Variants in ZSCAN21 observed in about 807,000 individuals in gnomAD.
ZSCAN21 encodes zinc finger and SCAN domain containing 21, also known as zinc finger and SCAN domain-containing protein 21.
Under a neutral mutation model 35.6 loss-of-function variants are expected in ZSCAN21, and 26 were observed. The observed-to-expected ratio is 0.73, with a 90% CI of 0.54 to 1.01. The LOEUF (loss-of-function observed/expected upper bound fraction) is 1.01, where lower values mean the gene tolerates loss of function less well. Among genes scored for constraint, ZSCAN21 ranks in the 50% least tolerant of loss-of-function variants. ZSCAN21 has a pLI of 0.00. For missense variants in ZSCAN21, 593 were observed against 587.1 expected (o/e 1.01, Z -0.10); for synonymous variants, 219 against 219.3 (o/e 1.00, Z 0.01).
intron 2 of ZSCAN21, 131 bp from the exon 3 acceptor site, chr7:100,057,567 C>T: frequency 1.5e-6 from 2 of 1,350,836 alleles, no homozygotes; most frequent in Non-Finnish European, 2.0e-6. Flanking sequence ...TAACTTTTAG[C>T]CTTGGGAATG....
chr7:100,062,400 A>G (rs1174007963), intron 3 of ZSCAN21, among the ~76,000 whole-genome samples: 1 of 147,600 alleles, frequency 6.8e-6, no homozygotes, highest in African/African-American at 2.5e-5. Flanking sequence ...AGACCAGCCT[A>G]TGGTCTAGAA....
Position 100,057,180 on chromosome 7 carries a change from A to C in ZSCAN21, c.174A>C (p.Gly58=). The C allele has an allele frequency of 6.2e-7, 1 of 1,613,564 alleles. No individual in the cohort carries two copies. The highest frequency in any genetic ancestry group is 8.5e-7 in the Non-Finnish European group (1 of 1,179,948). The change falls in exon 2 of 4, where the codon GGA becomes GGC. Residue 58 remains glycine (G), a synonymous_variant. Coordinates refer to ENST00000292450, the MANE Select transcript of ZSCAN21 (RefSeq NM_145914.3). ...AGTTTGGGTACCATGATACCCCTGG[A>C]CCCCGAGAGGCCCTGAGCCAACTCC... ...FRQFGYHDTP[G]PREALSQLRV...
At chr7:100,054,957 CT>C (rs10596959) in intron 1 of ZSCAN21, among the ~76,000 whole-genome samples, 43,292 of 131,958 alleles carry the variant, frequency 0.33, 5,548 homozygotes, top group African/African-American at 0.41. Flanking sequence ...TATGATCTCT[CT>C]TTTTTTTTTT....
Position 100,056,933 on chromosome 7 carries a change from A to C in ZSCAN21, c.-74A>C. On this transcript the variant is annotated 5_prime_UTR_variant, in exon 2 of 4. Transcript: ENST00000292450. The stretch of plus-strand genomic sequence containing the variant: ...TAGGTTTAACTTGTGGCCCTAAAGA[A>C]CTGGAAACCCAAAGGAACGAATATT... 1 of 1,445,388 alleles carries C rather than the reference A, an allele frequency of 6.9e-7. No individual in the cohort carries two copies. The highest frequency in any genetic ancestry group is 9.2e-7 in the Non-Finnish European group (1 of 1,082,212). 89.5% of individuals were successfully genotyped at this position (1,445,388 alleles called of 1,614,324 possible).
rs1287529179 is a variant in ZSCAN21 at position 100,064,934 on chromosome 7, A to C, written c.*317A>C. ...CAGTCTAGTTAAGGAAGAAACATTA[A>C]GATTGTTTAATTTTTAACATATATT... On this transcript the variant is annotated 3_prime_UTR_variant, in exon 4 of 4. Coordinates refer to ENST00000292450, the MANE Select transcript of ZSCAN21 (RefSeq NM_145914.3). 2 of 1,610,804 alleles carry C rather than the reference A, an allele frequency of 1.2e-6. No individual in the cohort carries two copies. The highest frequency in any genetic ancestry group is 4.5e-5 in the East Asian group (2 of 44,870).
intron 3 of ZSCAN21, among the ~76,000 whole-genome samples, chr7:100,060,858 CAAA>C (rs372983638): frequency 1.7e-4 from 13 of 74,434 alleles, no homozygotes; most frequent in Admixed American, 2.8e-4. Flanking sequence ...AGGACTCCGT[CAAA>C]AAAAAAAAAA....
intron 1 of ZSCAN21, among the ~76,000 whole-genome samples, chr7:100,056,042 A>G (rs1358163436): frequency 2.7e-5 from 4 of 149,938 alleles, no homozygotes; most frequent in Admixed American, 1.3e-4. Flanking sequence ...CCGGGTTCAC[A>G]CCATTCTCCT....
rs190422699 is a variant in ZSCAN21, at chr7:100,063,974, A to T, written c.779A>T (p.Lys260Met). 278 of 1,614,196 alleles carry T rather than the reference A, an allele frequency of 1.7e-4. 2 individuals are homozygous for T. In the Admixed American group the frequency reaches 4.5e-3, roughly 26 times the overall value. ...CCCCCTCTTCAAGAGGCAGGCTCCA[A>T]GAAAGGTAGAGAATCAGTTCCTACT... ...TKPPLQEAGS[K>M]KGRESVPTKP... Residue 260 changes from lysine (K) to methionine (M), a missense_variant, in exon 4 of 4, where the codon AAG (lysine) becomes ATG (methionine). Transcript: ENST00000292450.
At chr7:100,050,505 G>A (rs1395330899) in intron 1 of ZSCAN21, among the ~76,000 whole-genome samples, 2 of 152,086 alleles carry the variant, frequency 1.3e-5, no homozygotes, top group Non-Finnish European at 2.9e-5. Context: ...TCAGGAGTTC[G>A]AGACCAGCCT....
chr7:100,059,962 C>G (rs775199010), intron 3 of ZSCAN21, among the ~76,000 whole-genome samples: 2 of 152,142 alleles, frequency 1.3e-5, no homozygotes, highest in Non-Finnish European at 1.5e-5. Context: ...CCCTCCTCGG[C>G]CTCCCAAAGT....
Position 100,063,816 on chromosome 7 carries a change from A to G in ZSCAN21, c.621A>G (p.Glu207=). Residue 207 remains glutamate (E), a synonymous_variant, in exon 4 of 4, where the codon GAA becomes GAG. Transcript: ENST00000292450. ...GCAGATTGAGTACCCAGCACGAGGA[A>G]TCAGCAGATGAGCAGAAAGGTTCTG... ...RDCRLSTQHE[E]SADEQKGSEA... 6.2e-7 allele frequency: 1 copy of G among 1,611,882 alleles called. No homozygotes were observed. Among genetic ancestry groups the G allele is most frequent in the Non-Finnish European group, 8.5e-7 (1 of 1,179,294 alleles).
rs1157425786 is a variant in ZSCAN21 at position 100,063,812 on chromosome 7, A to T, written c.617A>T (p.Glu206Val). 6.2e-7 allele frequency: 1 copy of T among 1,611,070 alleles called. No individual in the cohort carries two copies. Among genetic ancestry groups the T allele is most frequent in the African/African-American group, 1.3e-5 (1 of 74,696 alleles). The change falls in exon 4 of 4, where the codon GAG becomes GTG. Residue 206 changes from glutamate to valine, a missense_variant. Physicochemically the swap from Glu to Val is moderately radical, Grantham distance 121. Transcript: ENST00000292450. ...VRDCRLSTQH[E>V]ESADEQKGSE... is the part of the protein sequence containing the mutation. The stretch of plus-strand genomic sequence containing the variant: ...GATTGCAGATTGAGTACCCAGCACG[A>T]GGAATCAGCAGATGAGCAGAAAGGT...
chr7:100,052,500 C>T (rs1298623591), intron 1 of ZSCAN21, among the ~76,000 whole-genome samples: 2 of 151,364 alleles, frequency 1.3e-5, no homozygotes, highest in Non-Finnish European at 2.9e-5. Context: ...TTTTTCGGTC[C>T]AAGTAAAAAG....
At chr7:100,060,854 C>G (rs1792261591) in intron 3 of ZSCAN21, among the ~76,000 whole-genome samples, 1 of 135,042 alleles carries the variant, frequency 7.4e-6, no homozygotes, top group African/African-American at 2.7e-5. Flanking sequence ...GAGTAGGACT[C>G]CGTCAAAAAA....
rs1792129123 is a variant in ZSCAN21, at chr7:100,057,703, A to G, written c.405A>G (p.Ser135=). The change falls in exon 3 of 4, where the codon TCA becomes TCG. Residue 135 remains serine, a synonymous_variant. Coordinates refer to ENST00000292450, the MANE Select transcript of ZSCAN21 (RefSeq NM_145914.3). The stretch of plus-strand genomic sequence containing the variant: ...CCATTCCTGATTGTCTCTAGGTCTC[A>G]ACTCCTCCAAACGAACAGAAACCGG... ...RELDEPGHQV[S]TPPNEQKPVW... 6.2e-7 allele frequency: 1 copy of G among 1,609,554 alleles called. No individual in the cohort carries two copies. Among genetic ancestry groups the G allele is most frequent in the African/African-American group, 1.3e-5 (1 of 74,860 alleles).
At chr7:100,060,858 C>CAA (rs372983638) in intron 3 of ZSCAN21, among the ~76,000 whole-genome samples, 1,005 of 74,304 alleles carry the variant, frequency 0.014, 12 homozygotes, top group East Asian at 0.029. Flanking sequence ...AGGACTCCGT[C>CAA]AAAAAAAAAA....
At chr7:100,060,625 G>A (rs1329448804) in intron 3 of ZSCAN21, among the ~76,000 whole-genome samples, 9 of 151,442 alleles carry the variant, frequency 5.9e-5, no homozygotes, top group Non-Finnish European at 1.2e-4. Flanking sequence ...CCAACACTTC[G>A]GGAGGCTGAG....
chr7:100,060,329 C>T (rs1005614111), intron 3 of ZSCAN21, among the ~76,000 whole-genome samples: 3 of 151,710 alleles, frequency 2.0e-5, no homozygotes, highest in South Asian at 4.2e-4. Flanking sequence ...TTTGGGAGGC[C>T]GAGGAGGGCG....
intron 1 of ZSCAN21, among the ~76,000 whole-genome samples, chr7:100,053,727 T>C (rs1014363366): frequency 5.9e-5 from 9 of 151,812 alleles, no homozygotes; most frequent in African/African-American, 2.2e-4. Flanking sequence ...TTTTTGTATT[T>C]TTAGTGGAGA....
Sources: gnomAD v4.1 joint callset for allele counts (sites outside exome capture counted in the v4.1 genomes callset) on GRCh38, gnomAD v4.1.1 for gene constraint, MANE v1.5 for transcripts, NCBI Gene and HGNC (gene_info 2026-07-23, HGNC 2026-07-21) for gene names.